PDXDC1: variants seen among roughly 807,000 people sequenced by gnomAD.
PDXDC1 encodes pyridoxal-dependent decarboxylase domain-containing protein 1.
Under a neutral mutation model 100.1 loss-of-function variants are expected in PDXDC1, and 42 were observed. The ratio of observed to expected loss-of-function variants is 0.42; its 90% CI spans 0.33 to 0.54. PDXDC1 has a LOEUF of 0.54. Among genes scored for constraint, PDXDC1 ranks in the 20% least tolerant of loss-of-function variants. The pLI is 0.10. For missense variants in PDXDC1, 636 were observed against 979.2 expected (o/e 0.65, Z 4.68); for synonymous variants, 260 against 371.7 (o/e 0.70, Z 3.46).
intron 12 of PDXDC1, among the ~76,000 whole-genome samples, chr16:15,021,603 G>C (rs1162960937): frequency 6.6e-6 from 1 of 152,282 alleles, no homozygotes; most frequent in Non-Finnish European, 1.5e-5. Context: ...TTAACTACCA[G>C]ACCCTTGAGG....
chr16:15,054,637 T>C (rs989211236), intron 16 of PDXDC1, among the ~76,000 whole-genome samples: 1 of 152,212 alleles, frequency 6.6e-6, no homozygotes, highest in African/African-American at 2.4e-5. Flanking sequence ...CAGAGCTGTC[T>C]GCCTTCTCCC....
In PDXDC1 at chr16:15,109,117, C is replaced by T. The variant is rs373073732; in HGVS notation, c.1400-29762C>T. 4 of 146,748 alleles carry T rather than the reference C, an allele frequency of 2.7e-5. 1 individual carries two copies. The highest frequency in any genetic ancestry group is 4.6e-5 in the Non-Finnish European group (3 of 65,694). 9.1% of individuals were successfully genotyped at this position (146,748 alleles called of 1,614,324 possible). ...CATGCTACTAGGCCTCAATTCATTG[C>T]TAAATATTTTTTAACAAGTATCTCA... is the stretch of plus-strand genomic sequence containing the variant. On this transcript the variant is annotated intron_variant, in intron 16 of 16. Coordinates refer to the PDXDC1 transcript ENST00000535621.
intron 16 of PDXDC1, among the ~76,000 whole-genome samples, chr16:15,132,418 GCTAGGGGAGGGA>G (rs1468993566): frequency 9.4e-6 from 1 of 106,310 alleles, no homozygotes; most frequent in African/African-American, 3.6e-5. Context: ...CAGGGGAGGG[GCTAGGGGAGGGA>G]AGGGGGAGGG....
intron 16 of PDXDC1, among the ~76,000 whole-genome samples, chr16:15,082,635 T>C (rs1328944189): frequency 1.3e-5 from 2 of 151,754 alleles, no homozygotes; most frequent in Non-Finnish European, 2.9e-5. Context: ...ATGGTGCCAC[T>C]GCACTCCAGC....
At position 15,137,365 on chromosome 16, in the gene PDXDC1, G is replaced by A. The variant is rs890015481; in HGVS notation, c.1400-1514G>A. ...AGGCGAAGGAGGCACTAGAGGGCTGGGCCGCCCCACACAGGCACCAGCCCT... is the reference window on the plus strand; with the variant it reads ...AGGCGAAGGAGGCACTAGAGGGCTGAGCCGCCCCACACAGGCACCAGCCCT... On this transcript the variant is annotated intron_variant, in intron 16 of 16. Transcript: ENST00000535621. The A allele has an allele frequency of 3.3e-6, 5 of 1,517,550 alleles. No individual in the cohort carries two copies. In the African/African-American group the frequency reaches 4.1e-5, roughly 13 times the overall value. The allele number at this position is 1,517,550 out of a possible 1,614,324, so 94.0% of individuals were successfully genotyped here.
rs200679463 is a variant in PDXDC1, at chr16:15,047,526, T to C, written c.1399+17470T>C. On this transcript the variant is annotated intron_variant, in intron 16 of 16. Transcript: ENST00000535621. ...AGCTTTGGTGTCGGTTCCGTCACAA[T>C]GTGTCAAGCAGGTGGCCCCATTACC... is the stretch of plus-strand genomic sequence containing the variant. 2.8e-5 allele frequency: 45 copies of C among 1,613,786 alleles called. No individual in the cohort carries two copies. The highest frequency in any genetic ancestry group is 3.6e-5 in the Non-Finnish European group (43 of 1,179,794).
At chr16:15,099,627 T>A (rs965872656) in intron 16 of PDXDC1, among the ~76,000 whole-genome samples, 1 of 151,628 alleles carries the variant, frequency 6.6e-6, no homozygotes, top group Admixed American at 6.6e-5. Context: ...GGGGGAGGGA[T>A]AAAGAAAATT....
chr16:15,104,772 G>A (rs764126342), intron 16 of PDXDC1: 6 of 1,592,312 alleles, frequency 3.8e-6, no homozygotes, highest in South Asian at 2.2e-5. Flanking sequence ...TAGGGCCAAA[G>A]GAGGGAATGT....
intron 22 of PDXDC1, 122 bp downstream of exon 22, chr16:15,035,675 C>T (rs1207488525): frequency 4.9e-6 from 3 of 609,128 alleles, no homozygotes; most frequent in African/African-American, 3.7e-5. Context: ...CTACTACCAT[C>T]TCTTTAACCA....
chr16:14,977,389 C>G (rs1455930005), intron 1 of PDXDC1, among the ~76,000 whole-genome samples: 1 of 150,738 alleles, frequency 6.6e-6, no homozygotes, highest in Non-Finnish European at 1.5e-5. Context: ...AAGTGATTCT[C>G]CTGCCTCAGC....
chr16:14,997,407 G>C (rs1237071605), intron 1 of PDXDC1, among the ~76,000 whole-genome samples: 4 of 152,280 alleles, frequency 2.6e-5, no homozygotes, highest in Non-Finnish European at 5.9e-5. Context: ...GGGCATGGTG[G>C]TGTGTGCCTG....
At chr16:15,104,935 A>G (rs984907869) in intron 16 of PDXDC1, among the ~76,000 whole-genome samples, 2 of 152,140 alleles carry the variant, frequency 1.3e-5, no homozygotes, top group African/African-American at 4.8e-5. Context: ...TACTGCCGAC[A>G]GCTGGGGGGT....
chr16:15,124,725 T>C (rs1685651008), intron 16 of PDXDC1, among the ~76,000 whole-genome samples: 6 of 151,840 alleles, frequency 4.0e-5, no homozygotes, highest in South Asian at 4.2e-4. Flanking sequence ...TGAGCCGAGA[T>C]TGCACCACTG....
At position 15,062,299 on chromosome 16, in the gene PDXDC1, G is replaced by C. The variant is rs140829433; in HGVS notation, c.1399+32243G>C. Among the ~76,000 whole-genome samples, 1,380 of 152,206 alleles carry C rather than the reference G, an allele frequency of 9.1e-3. 25 individuals carry two copies. The highest frequency in any genetic ancestry group is 0.032 in the African/African-American group (1,315 of 41,502). Reference sequence around the variant, plus strand: ...GCTCAATGGGGACAGGAAACATGACGAGTCATTCTTGCCCAGTGTTAGGAA... The same window carrying C: ...GCTCAATGGGGACAGGAAACATGACCAGTCATTCTTGCCCAGTGTTAGGAA... On this transcript the variant is annotated intron_variant, in intron 16 of 16. Transcript: ENST00000535621.
chr16:15,040,216 G>T, downstream of PDXDC1: 1 of 445,276 alleles, frequency 2.2e-6, no homozygotes, highest in Non-Finnish European at 4.0e-6. Flanking sequence ...TCCCTGGAGG[G>T]GGAAAATGCA....
At chr16:15,128,380 G>A in intron 16 of PDXDC1, 1 of 1,587,246 alleles carries the variant, frequency 6.3e-7, no homozygotes, top group Non-Finnish European at 8.6e-7. Context: ...GCCCACGTGG[G>A]CCGTGGTACC....
the PDXDC1 span, among the ~76,000 whole-genome samples, chr16:15,148,326 C>T: frequency 2.7e-5 from 4 of 149,242 alleles, no homozygotes; most frequent in Non-Finnish European, 5.9e-5. Flanking sequence ...CGCTGTTGGC[C>T]ATCTGTGCAT....
At chr16:15,001,966 A>G (rs1341228923) in intron 4 of PDXDC1, 110 bp downstream of exon 4, 3 of 847,700 alleles carry the variant, frequency 3.5e-6, no homozygotes, top group South Asian at 1.7e-5. Flanking sequence ...TGAGTTACAT[A>G]TGATATTAAA....
intron 8 of PDXDC1, among the ~76,000 whole-genome samples, chr16:15,011,891 T>G (rs533086460): frequency 6.6e-6 from 1 of 152,392 alleles, no homozygotes; most frequent in East Asian, 1.9e-4. Flanking sequence ...CTCAAACTCC[T>G]GACCTCAGGT....
Sources: gnomAD v4.1 joint callset for allele counts (sites outside exome capture counted in the v4.1 genomes callset) on GRCh38, gnomAD v4.1.1 for gene constraint, MANE v1.5 for transcripts, NCBI Gene and HGNC (gene_info 2026-07-23, HGNC 2026-07-21) for gene names.